The following FARS2 variants were observed in gnomAD, a reference collection of about 807,000 sequenced individuals.
FARS2 encodes the protein phenylalanine--tRNA ligase, mitochondrial.
In FARS2, 40 loss-of-function variants were observed where a neutral mutation model predicts 46.4. The ratio of observed to expected loss-of-function variants is 0.86; its 90% CI spans 0.67 to 1.12. FARS2 has a LOEUF of 1.12. Among genes scored for constraint, FARS2 ranks in the 50% most tolerant of loss-of-function variants. FARS2 has a pLI of 0.00. For synonymous variants in FARS2, 234 were observed against 214.9 expected (o/e 1.09, Z -0.78); for missense variants, 513 against 567.9 (o/e 0.90, Z 0.98).
chr6:5,299,842 A>G (rs1007521179), intron 1 of FARS2, among the ~76,000 whole-genome samples: 1 of 152,288 alleles, frequency 6.6e-6, no homozygotes, highest in Admixed American at 6.5e-5. Flanking sequence ...GCTAAAGGAC[A>G]TGAACTCATC....
At chr6:5,454,424 C>T (rs925254438) in intron 4 of FARS2, among the ~76,000 whole-genome samples, 6 of 152,090 alleles carry the variant, frequency 3.9e-5, no homozygotes, top group African/African-American at 1.4e-4. Flanking sequence ...TCACTGCAAC[C>T]TCCACCTCCC....
chr6:5,672,663 C>T (rs988099322), intron 6 of FARS2, among the ~76,000 whole-genome samples: 1 of 152,150 alleles, frequency 6.6e-6, no homozygotes, highest in Non-Finnish European at 1.5e-5. Context: ...CTTCCCCTTG[C>T]GAGCCCCCCT....
At chr6:5,638,300 C>G (rs2150733825) in intron 6 of FARS2, among the ~76,000 whole-genome samples, 1 of 152,360 alleles carries the variant, frequency 6.6e-6, no homozygotes, top group Non-Finnish European at 1.5e-5. Context: ...CGCAGTGGCT[C>G]ACGCCTGTCA....
chr6:5,584,108 G>GAC (rs143867485), intron 5 of FARS2, among the ~76,000 whole-genome samples: 4,647 of 122,880 alleles, frequency 0.038, 128 homozygotes, highest in Middle Eastern at 0.053. Flanking sequence ...TTCTCTCTCT[G>GAC]ACACACACAC....
intron 2 of FARS2, among the ~76,000 whole-genome samples, chr6:5,388,649 C>G (rs1760292606): frequency 1.3e-5 from 2 of 151,816 alleles, no homozygotes; most frequent in African/African-American, 2.4e-5. Flanking sequence ...AATTAAGACC[C>G]TGTTTTAGTT....
At chr6:5,618,593 T>C (rs1405895405) in intron 6 of FARS2, among the ~76,000 whole-genome samples, 1 of 152,196 alleles carries the variant, frequency 6.6e-6, no homozygotes, top group Non-Finnish European at 1.5e-5. Flanking sequence ...AATTTCATAA[T>C]ATTAGACAAA....
intron 1 of FARS2, among the ~76,000 whole-genome samples, chr6:5,345,970 G>A (rs1263405889): frequency 6.6e-6 from 1 of 152,200 alleles, no homozygotes; most frequent in Non-Finnish European, 1.5e-5. Context: ...CTCATTAAAA[G>A]ACTCTGGAGG....
chr6:5,304,246 G>A (rs1768533270), intron 1 of FARS2, among the ~76,000 whole-genome samples: 2 of 152,142 alleles, frequency 1.3e-5, no homozygotes, highest in South Asian at 4.1e-4. Flanking sequence ...TTTTGTATGT[G>A]CGTTTCCCCT....
intron 5 of FARS2, among the ~76,000 whole-genome samples, chr6:5,546,183 C>G (rs927223481): frequency 2.6e-5 from 4 of 151,314 alleles, no homozygotes; most frequent in Admixed American, 6.6e-5. Flanking sequence ...GGTTCATAAA[C>G]CTTCAGAAAT....
chr6:5,432,692 G>C (rs552023728), intron 4 of FARS2, among the ~76,000 whole-genome samples: 1 of 151,264 alleles, frequency 6.6e-6, no homozygotes, highest in Non-Finnish European at 1.5e-5. Flanking sequence ...GACATTTGCT[G>C]CTTGGCCTTG....
chr6:5,250,391 C>T, the FARS2 span, among the ~76,000 whole-genome samples: 1 of 152,130 alleles, frequency 6.6e-6, no homozygotes, highest in Non-Finnish European at 1.5e-5. Flanking sequence ...TTATTTTTCA[C>T]CCCAAAACCT....
In FARS2 at chr6:5,661,263, C is replaced by T. The variant is rs552379368; in HGVS notation, c.1217+47943C>T. On this transcript the variant is annotated intron_variant, in intron 6 of 6. Transcript: ENST00000274680. ...ACTGGTTGAGATTTAGGTTTGAACA[C>T]GTTTGCCTTGAGGTTTACTGGAGGC... Among the ~76,000 whole-genome samples the T allele has an allele frequency of 3.9e-5, 6 of 152,348 alleles. No homozygotes were observed. The East Asian group carries it at 7.7e-4, about 20-fold the overall frequency.
intron 4 of FARS2, among the ~76,000 whole-genome samples, chr6:5,526,685 C>T (rs910615833): frequency 5.9e-5 from 9 of 151,948 alleles, no homozygotes; most frequent in African/African-American, 1.9e-4. Flanking sequence ...GGCAGGATCT[C>T]GGATCACTGC....
At chr6:5,410,673 G>T (rs1280594514) in intron 3 of FARS2, among the ~76,000 whole-genome samples, 3 of 152,200 alleles carry the variant, frequency 2.0e-5, no homozygotes, top group Non-Finnish European at 4.4e-5. Context: ...AGTTAACAGT[G>T]TGAAACCCTG....
chr6:5,623,212 T>G (rs936262319), intron 6 of FARS2, among the ~76,000 whole-genome samples: 3 of 152,176 alleles, frequency 2.0e-5, no homozygotes, highest in Non-Finnish European at 4.4e-5. Flanking sequence ...GCTATTAGAG[T>G]AAAAAGCCAG....
At chr6:5,272,891 C>T (rs548546893) in intron 1 of FARS2, among the ~76,000 whole-genome samples, 30 of 152,264 alleles carry the variant, frequency 2.0e-4, no homozygotes, top group African/African-American at 7.0e-4. Flanking sequence ...CTCCGACATA[C>T]GAGTAAGAAC....
intron 1 of FARS2, among the ~76,000 whole-genome samples, chr6:5,325,560 C>T (rs935611639): frequency 3.9e-5 from 6 of 152,154 alleles, no homozygotes; most frequent in African/African-American, 1.2e-4. Flanking sequence ...GGTAGTATAT[C>T]GTAGGGCCCA....
Position 5,314,957 on chromosome 6 carries a change from G to A in FARS2, c.-22+53297G>A, listed in dbSNP as rs139012917. ...ACCTCTGTAACAAAAGTTCAGTTGTGTTCTCTCTTTAGGAAAATCCAGTAT... is the reference window on the plus strand; with the variant it reads ...ACCTCTGTAACAAAAGTTCAGTTGTATTCTCTCTTTAGGAAAATCCAGTAT... On this transcript the variant is annotated intron_variant, in intron 1 of 6. Coordinates refer to ENST00000274680, the MANE Select transcript of FARS2 (RefSeq NM_006567.5). 2.2e-3 allele frequency among the ~76,000 whole-genome samples: 335 copies of A among 152,308 alleles called. 1 individual carries two copies. The highest frequency in any genetic ancestry group is 7.7e-3 in the African/African-American group (322 of 41,566).
intron 5 of FARS2, among the ~76,000 whole-genome samples, chr6:5,564,514 A>G (rs1772211780): frequency 1.3e-5 from 2 of 152,238 alleles, no homozygotes; most frequent in African/African-American, 2.4e-5. Context: ...CTTAAAAACA[A>G]TGAATGAGAC....
Sources: gnomAD v4.1 joint callset for allele counts (sites outside exome capture counted in the v4.1 genomes callset) on GRCh38, gnomAD v4.1.1 for gene constraint, MANE v1.5 for transcripts, NCBI Gene and HGNC (gene_info 2026-07-23, HGNC 2026-07-21) for gene names.